Variants in TMC5 observed in about 807,000 individuals in gnomAD.
TMC5 encodes the protein transmembrane channel-like protein 5.
In TMC5, 86 loss-of-function variants were observed where a neutral mutation model predicts 110.5. The observed-to-expected ratio is 0.78, with a 90% CI of 0.65 to 0.93. TMC5 has a LOEUF of 0.93. Ranked by LOEUF, TMC5 falls within the 40% of genes least tolerant of loss-of-function variation. The pLI, the probability that TMC5 is intolerant of heterozygous loss-of-function variation, is 0.00. For synonymous variants in TMC5, 455 were observed against 439.5 expected, an observed-to-expected ratio of 1.04 and a Z score of -0.44; for missense variants, 1,144 against 1,222.8, an observed-to-expected ratio of 0.94 and a Z score of 0.96.
rs774635564 is a variant in TMC5 at position 19,451,394 on chromosome 16, G to A, written c.1048+1763G>A. On this transcript the variant is annotated intron_variant, in intron 5 of 21. Transcript: ENST00000542583. ...ATATTGCTACTTGGAAGGGAAAACCGTTGGGATATAAATGATCACACTGTC... is the reference window on the plus strand; with the variant it reads ...ATATTGCTACTTGGAAGGGAAAACCATTGGGATATAAATGATCACACTGTC... 3.9e-5 allele frequency among the ~76,000 whole-genome samples: 6 copies of A among 152,166 alleles called. No individual in the cohort carries two copies. In the East Asian group the frequency reaches 5.8e-4, roughly 15 times the overall value.
intron 5 of TMC5, among the ~76,000 whole-genome samples, chr16:19,455,375 C>T (rs553052718): frequency 6.6e-6 from 1 of 152,204 alleles, no homozygotes; most frequent in South Asian, 2.1e-4. Context: ...GAGCCAAGAT[C>T]ATGCCACTGT....
rs1968768524 is a variant in TMC5 at position 19,487,273 on chromosome 16, C to T, written c.2520C>T (p.Leu840=). ...TGATGACTTTCTTCATCTTCTTGCT[C>T]TTTTTCCCATCCTTCACCGGGGTCT... ...SQMMTFFIFL[L]FFPSFTGVLC... The change falls in exon 17 of 22, where the codon CTC becomes CTT. Residue 840 remains leucine, a synonymous_variant. Transcript: ENST00000542583. The T allele has an allele frequency of 1.2e-6, 2 of 1,614,066 alleles. No individual in the cohort carries two copies. The highest frequency in any genetic ancestry group is 8.5e-7 in the Non-Finnish European group (1 of 1,180,034).
chr16:19,424,308 C>A (rs569024488), intron 1 of TMC5, among the ~76,000 whole-genome samples: 1 of 152,300 alleles, frequency 6.6e-6, no homozygotes, highest in Admixed American at 6.5e-5. Flanking sequence ...TAAACCATAT[C>A]ATATTATGGT....
chr16:19,440,354 C>G lies in TMC5; in HGVS notation c.316C>G (p.Pro106Ala). 3.1e-6 allele frequency: 5 copies of G among 1,614,106 alleles called. No homozygotes were observed. Among genetic ancestry groups the G allele is most frequent in the Non-Finnish European group, 4.2e-6 (5 of 1,180,026 alleles). ...RTSPDHPTSL[P>A]EPDYSEFQSH... Reference sequence around the variant, plus strand: ...AAGCCCAGACCATCCTACCTCTCTACCAGAGCCAGATTATAGTGAATTTCA... The same window carrying G: ...AAGCCCAGACCATCCTACCTCTCTAGCAGAGCCAGATTATAGTGAATTTCA... Residue 106 changes from proline to alanine, a missense_variant, in exon 3 of 22, where the codon CCA becomes GCA. Transcript: ENST00000542583.
intron 1 of TMC5, among the ~76,000 whole-genome samples, chr16:19,427,043 G>T (rs766343486): frequency 9.4e-5 from 14 of 149,414 alleles, no homozygotes; most frequent in Non-Finnish European, 1.9e-4. Context: ...GGGCACACTG[G>T]GACAAGCTGG....
At chr16:19,491,245 A>G (rs1491004243) in intron 18 of TMC5, among the ~76,000 whole-genome samples, 1 of 152,182 alleles carries the variant, frequency 6.6e-6, no homozygotes, top group East Asian at 1.9e-4. Context: ...CCTGGCCTCA[A>G]ATTATCCTCC....
intron 1 of TMC5, among the ~76,000 whole-genome samples, chr16:19,420,239 A>G (rs555911022): frequency 2.4e-4 from 36 of 152,238 alleles, no homozygotes; most frequent in African/African-American, 8.7e-4. Flanking sequence ...ATCCTGGCCA[A>G]CATGGTGAAA....
intron 2 of TMC5, among the ~76,000 whole-genome samples, chr16:19,434,501 G>GATAGATAT (rs1160899052): frequency 3.2e-5 from 3 of 93,328 alleles, no homozygotes; most frequent in Admixed American, 1.3e-4. Context: ...GATATAGAGA[G>GATAGATAT]AGAGAGAGAT....
At chr16:19,445,543 A>T (rs1447113377) in intron 4 of TMC5, among the ~76,000 whole-genome samples, 1 of 151,992 alleles carries the variant, frequency 6.6e-6, no homozygotes, top group Non-Finnish European at 1.5e-5. Context: ...CCAATTCTGA[A>T]CAGTTCTTAC....
chr16:19,480,620 C>G (rs372624096), intron 14 of TMC5, among the ~76,000 whole-genome samples: 3 of 151,990 alleles, frequency 2.0e-5, no homozygotes, highest in African/African-American at 7.3e-5. Context: ...GCCTGGCCAA[C>G]GTGGTGAAAC....
intron 20 of TMC5, among the ~76,000 whole-genome samples, chr16:19,495,175 C>T (rs1404169966): frequency 1.4e-5 from 1 of 71,508 alleles, no homozygotes; most frequent in African/African-American, 3.7e-5. Flanking sequence ...CCACTACGCC[C>T]GGCTAATTTT....
intron 3 of TMC5, among the ~76,000 whole-genome samples, chr16:19,443,292 A>C (rs1433678007): frequency 6.6e-6 from 1 of 152,234 alleles, no homozygotes; most frequent in Admixed American, 6.5e-5. Context: ...GTTGATTTTC[A>C]TAGCATTTCC....
chr16:19,449,718 A>G, intron 5 of TMC5, 87 bp downstream of exon 5: 1 of 1,190,798 alleles, frequency 8.4e-7, no homozygotes, highest in East Asian at 2.3e-5. Context: ...ACCTGGTGGG[A>G]GGTGATTGGA....
chr16:19,453,009 T>TA (rs1967784418), intron 5 of TMC5, among the ~76,000 whole-genome samples: 2 of 105,144 alleles, frequency 1.9e-5, no homozygotes, highest in African/African-American at 5.2e-5. Flanking sequence ...TATATATATA[T>TA]ATTATATATA....
At chr16:19,464,901 AT>A (rs1372420126) in intron 8 of TMC5, among the ~76,000 whole-genome samples, 4 of 151,906 alleles carry the variant, frequency 2.6e-5, no homozygotes, top group Non-Finnish European at 4.4e-5. Context: ...AAAAAACCAA[AT>A]AGATGACAGG....
intron 2 of TMC5, among the ~76,000 whole-genome samples, chr16:19,431,134 A>G (rs535816209): frequency 7.5e-4 from 115 of 152,354 alleles, no homozygotes; most frequent in African/African-American, 2.0e-3. Flanking sequence ...GGTCTTAAGT[A>G]TGTAGGGATC....
intron 20 of TMC5, among the ~76,000 whole-genome samples, chr16:19,495,053 C>T (rs1377125310): frequency 6.1e-5 from 1 of 16,476 alleles, no homozygotes; most frequent in African/African-American, 1.1e-4. Context: ...CTCGCTCTGT[C>T]GCCCAGGCTG....
chr16:19,449,035 A>AT (rs927018170), intron 4 of TMC5, among the ~76,000 whole-genome samples: 2 of 150,656 alleles, frequency 1.3e-5, no homozygotes, highest in African/African-American at 2.4e-5. Context: ...ATTTTTTTGT[A>AT]TTTTTTTAGT....
At chr16:19,458,027 C>G (rs1017223330) in intron 5 of TMC5, among the ~76,000 whole-genome samples, 3 of 151,576 alleles carry the variant, frequency 2.0e-5, no homozygotes, top group Admixed American at 6.6e-5. Flanking sequence ...CACATCCAGC[C>G]TCAAGCCTGC....
Sources: gnomAD v4.1 joint callset for allele counts (sites outside exome capture counted in the v4.1 genomes callset) on GRCh38, gnomAD v4.1.1 for gene constraint, MANE v1.5 for transcripts, NCBI Gene and HGNC (gene_info 2026-07-23, HGNC 2026-07-21) for gene names.